The following ZIC5 variants were observed in gnomAD, a reference collection of about 807,000 sequenced individuals.
The protein encoded by ZIC5 is zinc finger protein ZIC 5.
Under a neutral mutation model 28.5 loss-of-function variants are expected in ZIC5, and 20 were observed. The observed-to-expected ratio is 0.70, with a 90% CI of 0.49 to 1.02. The LOEUF (loss-of-function observed/expected upper bound fraction) is 1.02, where lower values mean the gene tolerates loss of function less well. Ranked by LOEUF, ZIC5 falls within the 50% of genes least tolerant of loss-of-function variation. The pLI is 0.00. For missense variants in ZIC5, 951 were observed against 899.7 expected (o/e 1.06, Z -0.73); for synonymous variants, 488 against 410.4 (o/e 1.19, Z -2.29).
At position 99,965,474 on chromosome 13, in the gene ZIC5, G is replaced by T. The variant is rs1157865606; in HGVS notation, c.1823C>A (p.Pro608His). 1.2e-6 allele frequency: 2 copies of T among 1,614,070 alleles called. No individual in the cohort carries two copies. Among genetic ancestry groups the T allele is most frequent in the Non-Finnish European group, 1.7e-6 (2 of 1,179,998 alleles). ...EWYVCQASGA[P>H]SHLHTPSSNG... is the part of the protein sequence containing the mutation. ...GCTGGAAGGGGTGTGGAGGTGGCTG[G>T]GGGCCCCACTGGCCTGGCAAACGTA... is the stretch of plus-strand genomic sequence containing the variant. The change falls in exon 2 of 2, where the codon CCC (proline) becomes CAC (histidine). Residue 608 changes from proline to histidine, a missense_variant. Physicochemically the swap from Pro to His is moderately conservative, Grantham distance 77. Coordinates refer to ENST00000267294, the MANE Select transcript of ZIC5 (RefSeq NM_033132.5).
chr13:99,970,068 C>CGGCGGCGGCGCAGGAGCTGGT (rs2053135880), intron 1 of ZIC5, 59 bp downstream of exon 1: 5 of 1,596,304 alleles, frequency 3.1e-6, no homozygotes, highest in Non-Finnish European at 4.3e-6. Flanking sequence ...GCGGCGGAAG[C>CGGCGGCGGCGCAGGAGCTGGT]GGCGGCGGCG....
chr13:99,971,745 T>A lies in ZIC5; in HGVS notation c.-142A>T. On this transcript the variant is annotated 5_prime_UTR_variant, in exon 1 of 2. Coordinates refer to ENST00000267294, the MANE Select transcript of ZIC5 (RefSeq NM_033132.5). The stretch of plus-strand genomic sequence containing the variant: ...ACTCTGCTTATTCCTGTTCCCACTC[T>A]ATCCTCCAGCGATTGGCAGAGTGAA... 6.5e-7 allele frequency: 1 copy of A among 1,534,726 alleles called. No individual in the cohort carries two copies. Among genetic ancestry groups the A allele is most frequent in the Non-Finnish European group, 8.8e-7 (1 of 1,134,142 alleles).
At position 99,971,656 on chromosome 13, in the gene ZIC5, C is replaced by A; in HGVS notation, c.-53G>T. 1 of 1,558,368 alleles carries A rather than the reference C, an allele frequency of 6.4e-7. No homozygotes were observed. ...CCTCACTGGGGGGACTTTATTCCCT[C>A]TGCCCGCCTTCAAAAACATGTATGT... On this transcript the variant is annotated 5_prime_UTR_variant, in exon 1 of 2. Transcript: ENST00000267294.
rs1484790343 is a variant in ZIC5, at chr13:99,970,275, G to A, written c.1329C>T (p.Arg443=). 9.3e-6 allele frequency: 15 copies of A among 1,613,896 alleles called. No homozygotes were observed. The highest frequency in any genetic ancestry group is 1.3e-5 in the Non-Finnish European group (15 of 1,179,902). ...ATTTGGCCTTGAAGGGCTTGCCCTC[G>A]CGCGGACAGTCCTCCCAGAAGCAGA... ...SHVCFWEDCP[R]EGKPFKAKYK... The change falls in exon 1 of 2, where the codon CGC becomes CGT. Residue 443 remains arginine (R), a synonymous_variant. Transcript: ENST00000267294.
rs759288199 is a variant in ZIC5, at chr13:99,971,156, CAGG to C, written c.445_447del (p.Pro149del). The C allele has an allele frequency of 6.1e-5, 74 of 1,207,726 alleles. No homozygotes were observed. The highest frequency in any genetic ancestry group is 3.3e-4 in the Middle Eastern group (1 of 3,064). 74.8% of individuals were successfully genotyped at this position (1,207,726 alleles called of 1,614,324 possible). A position where few individuals can be genotyped will look rare whatever the true frequency, so the allele number is the denominator to read the frequency against. On this transcript the variant is annotated inframe_deletion, in exon 1 of 2. Transcript: ENST00000267294. ...TTGGTGGTGGTGTAGCCCGAGAGGG[CAGG>C]AGGAGGAGGAGGCGGGGGAGGGGGA...
At chr13:99,967,344 T>A (rs559546575) in intron 1 of ZIC5, among the ~76,000 whole-genome samples, 7 of 152,368 alleles carry the variant, frequency 4.6e-5, no homozygotes, top group African/African-American at 1.4e-4. Context: ...CCTACAGTGA[T>A]GTATAAAGAG....
chr13:99,965,983 T>G (rs1257054032), intron 1 of ZIC5, among the ~76,000 whole-genome samples, 164 bp from the exon 2 acceptor site: 1 of 152,214 alleles, frequency 6.6e-6, no homozygotes, highest in Non-Finnish European at 1.5e-5. Flanking sequence ...GCTTCAGGGA[T>G]GGGCCTGGAT....
Position 99,965,281 on chromosome 13 carries a change from G to A in ZIC5, c.*96C>T. 8.1e-7 allele frequency: 1 copy of A among 1,231,054 alleles called. No homozygotes were observed. The highest frequency in any genetic ancestry group is 1.1e-6 in the Non-Finnish European group (1 of 894,244). The allele number at this position is 1,231,054 out of a possible 1,614,324, so 76.3% of individuals were successfully genotyped here. A position where few individuals can be genotyped will look rare whatever the true frequency, so the allele number is the denominator to read the frequency against. On this transcript the variant is annotated 3_prime_UTR_variant, in exon 2 of 2. Transcript: ENST00000267294. ...TAATTAGACCCGGTGGCAAGTCTGA[G>A]TCACGGGTTTGTCTCAGGCTCGGCA...
Position 99,971,738 on chromosome 13 carries a change from C to T in ZIC5, c.-135G>A. ...CCTCTTAACTCTGCTTATTCCTGTT[C>T]CCACTCTATCCTCCAGCGATTGGCA... On this transcript the variant is annotated 5_prime_UTR_variant, in exon 1 of 2. Transcript: ENST00000267294. The T allele has an allele frequency of 4.5e-6, 7 of 1,538,882 alleles. No individual in the cohort carries two copies. The highest frequency in any genetic ancestry group is 5.3e-6 in the Non-Finnish European group (6 of 1,137,418).
rs756584343 is a variant in ZIC5, at chr13:99,971,627, A to G, written c.-24T>C. 2.2e-5 allele frequency: 35 copies of G among 1,560,844 alleles called. 1 individual carries two copies. The South Asian group carries it at 3.7e-4, about 16-fold the overall frequency. On this transcript the variant is annotated 5_prime_UTR_variant, in exon 1 of 2. Coordinates refer to ENST00000267294, the MANE Select transcript of ZIC5 (RefSeq NM_033132.5). ...ATCAGAACTACACAATCAGGCCCAT[A>G]GACCCTCACTGGGGGGACTTTATTC...
intron 1 of ZIC5, among the ~76,000 whole-genome samples, chr13:99,968,113 T>A (rs1326740220): frequency 6.6e-6 from 1 of 152,150 alleles, no homozygotes; most frequent in Non-Finnish European, 1.5e-5. Flanking sequence ...GCCCGGGGAT[T>A]AGTCCCTTTG....
At chr13:99,969,454 A>T (rs1197521379) in intron 1 of ZIC5, among the ~76,000 whole-genome samples, 3 of 150,288 alleles carry the variant, frequency 2.0e-5, no homozygotes, top group Admixed American at 1.3e-4. Context: ...GCAGGAGGAT[A>T]TGAGTGTGTA....
chr13:99,964,087 CA>C lies in ZIC5; in HGVS notation c.*1289del, dbSNP rs1175651387. The C allele has an allele frequency of 6.6e-6, 1 of 152,562 alleles. No homozygotes were observed. Among genetic ancestry groups the C allele is most frequent in the Non-Finnish European group, 1.5e-5 (1 of 68,034 alleles). 9.5% of individuals were successfully genotyped at this position (152,562 alleles called of 1,614,324 possible). On this transcript the variant is annotated 3_prime_UTR_variant, in exon 2 of 2. Transcript: ENST00000267294. ...ACAGCTCTGGCAAAGGTCACACATTCATCAGTGTTTGGTGGTAACTATAAAC... is the reference window on the plus strand; with the variant it reads ...ACAGCTCTGGCAAAGGTCACACATTCTCAGTGTTTGGTGGTAACTATAAAC...
chr13:99,969,311 C>T (rs1566397418), intron 1 of ZIC5, among the ~76,000 whole-genome samples: 1 of 152,206 alleles, frequency 6.6e-6, no homozygotes, highest in Non-Finnish European at 1.5e-5. Flanking sequence ...CAACTAGAAC[C>T]TTCTCTAGAA....
chr13:99,965,852 C>A, intron 1 of ZIC5, 33 bp from the exon 2 acceptor site: 1 of 1,578,254 alleles, frequency 6.3e-7, no homozygotes, highest in Non-Finnish European at 8.6e-7. Flanking sequence ...TCAACAATGG[C>A]TTTCCAAGAC....
chr13:99,970,743 C>T lies in ZIC5; in HGVS notation c.861G>A (p.Ala287=). Residue 287 remains alanine (A), a synonymous_variant, in exon 1 of 2, where the codon GCG becomes GCA. Coordinates refer to ENST00000267294, the MANE Select transcript of ZIC5 (RefSeq NM_033132.5). ...EPPFAPRSGD[A]HYGAVAAAAA... ...CTGCGGCCGCAACCGCCCCGTAGTGCGCGTCCCCAGAGCGCGGCGCGAAGG... is the reference window on the plus strand; with the variant it reads ...CTGCGGCCGCAACCGCCCCGTAGTGTGCGTCCCCAGAGCGCGGCGCGAAGG... 2.5e-6 allele frequency: 3 copies of T among 1,196,250 alleles called. No individual in the cohort carries two copies. Among genetic ancestry groups the T allele is most frequent in the Non-Finnish European group, 3.1e-6 (3 of 963,864 alleles). 74.1% of individuals were successfully genotyped at this position (1,196,250 alleles called of 1,614,324 possible). A position where few individuals can be genotyped will look rare whatever the true frequency, so the allele number is the denominator to read the frequency against.
At position 99,965,787 on chromosome 13, in the gene ZIC5, A is replaced by G. The variant is rs2053096067; in HGVS notation, c.1510T>C (p.Cys504Arg). The G allele has an allele frequency of 6.2e-7, 1 of 1,613,848 alleles. No individual in the cohort carries two copies. Among genetic ancestry groups the G allele is most frequent in the Non-Finnish European group, 8.5e-7 (1 of 1,179,762 alleles). The change falls in exon 2 of 2, where the codon TGT becomes CGT. Residue 504 changes from cysteine to arginine, a missense_variant. Cys to Arg is a radical substitution (Grantham distance 180, BLOSUM62 -3). Transcript: ENST00000267294. ...CTGCTATTGGCAAACTTCCTGTCAC[A>G]GCCATCAAATTCACATTTGAAAGGC... ...EKPFKCEFDG[C>R]DRKFANSSDR...
intron 1 of ZIC5, among the ~76,000 whole-genome samples, chr13:99,969,868 G>C (rs1216078367): frequency 1.3e-5 from 2 of 151,100 alleles, no homozygotes. Flanking sequence ...AGGGGCTGCG[G>C]GCGCGCTGGA....
chr13:99,968,979 C>G (rs2053123420), intron 1 of ZIC5, among the ~76,000 whole-genome samples: 1 of 152,228 alleles, frequency 6.6e-6, no homozygotes, highest in African/African-American at 2.4e-5. Context: ...GCAGCAGCGC[C>G]GATAAATCTG....
Sources: gnomAD v4.1 joint callset for allele counts (sites outside exome capture counted in the v4.1 genomes callset) on GRCh38, gnomAD v4.1.1 for gene constraint, MANE v1.5 for transcripts, NCBI Gene and HGNC (gene_info 2026-07-23, HGNC 2026-07-21) for gene names.